The following YIPF7 variants were observed in gnomAD, a reference collection of about 807,000 sequenced individuals.
YIPF7 encodes the protein Yip1 domain family member 7.
In YIPF7, 35 loss-of-function variants were observed where a neutral mutation model predicts 27.2. The observed-to-expected ratio is 1.29, with a 90% CI of 0.98 to 1.70. YIPF7 has a LOEUF of 1.70. Ranked by LOEUF, YIPF7 falls within the 40% of genes most tolerant of loss-of-function variation. YIPF7 has a pLI of 0.00. For synonymous variants in YIPF7, 137 were observed against 110.4 expected (o/e 1.24, Z -1.51); for missense variants, 358 against 303.7 (o/e 1.18, Z -1.33).
chr4:44,659,135 T>C (rs1248436048), intron 2 of YIPF7, among the ~76,000 whole-genome samples: 1 of 152,190 alleles, frequency 6.6e-6, no homozygotes, highest in Non-Finnish European at 1.5e-5. Flanking sequence ...CATGAAGATG[T>C]TGAAAGCAAC....
intron 3 of YIPF7, 91 bp downstream of exon 3, chr4:44,635,829 CTG>C: frequency 7.2e-7 from 1 of 1,385,730 alleles, no homozygotes; most frequent in Non-Finnish European, 9.8e-7. Context: ...ACATAAGACA[CTG>C]TACACTGCAG....
upstream of YIPF7, among the ~76,000 whole-genome samples, chr4:44,656,384 C>T (rs73815511): frequency 0.077 from 11,768 of 151,906 alleles, 538 homozygotes; most frequent in Admixed American, 0.13. Context: ...TTATTCTTAC[C>T]TCTTAGGTGC....
chr4:44,654,193 T>A (rs1324540995), upstream of YIPF7, among the ~76,000 whole-genome samples: 1 of 152,090 alleles, frequency 6.6e-6, no homozygotes, highest in Non-Finnish European at 1.5e-5. Flanking sequence ...AAAATATACA[T>A]TTAAGTGGGT....
chr4:44,635,573 T>G lies in YIPF7; in HGVS notation c.280+349A>C, dbSNP rs538489102. Among the ~76,000 whole-genome samples the G allele has an allele frequency of 2.6e-5, 4 of 152,286 alleles. No homozygotes were observed. The East Asian group carries it at 5.8e-4, about 22-fold the overall frequency. ...ATAAAATACGCTGTTATGAAGTGCT[T>G]CATTAACAGGGTGGGAAGGGTGGTC... On this transcript the variant is annotated intron_variant, in intron 3 of 5. Coordinates refer to ENST00000415895, the MANE Select transcript of YIPF7 (RefSeq NM_182592.3).
chr4:44,641,318 T>C (rs1713317810), intron 2 of YIPF7, among the ~76,000 whole-genome samples: 1 of 152,162 alleles, frequency 6.6e-6, no homozygotes. Context: ...GGATAAAACA[T>C]GCTTGAAATG....
Position 44,622,404 on chromosome 4 carries a change from C to G in YIPF7, c.*10G>C. The stretch of plus-strand genomic sequence containing the variant: ...CAAACAGAGTCTTGAAATGCCATCT[C>G]AAACATTCTTTAGAAAATTGTTAGG... On this transcript the variant is annotated 3_prime_UTR_variant, in exon 6 of 6. Coordinates refer to ENST00000415895, the MANE Select transcript of YIPF7 (RefSeq NM_182592.3). 1 of 1,608,232 alleles carries G rather than the reference C, an allele frequency of 6.2e-7. No individual in the cohort carries two copies. Among genetic ancestry groups the G allele is most frequent in the Non-Finnish European group, 8.5e-7 (1 of 1,177,488 alleles).
chr4:44,650,018 G>T lies in YIPF7; in HGVS notation c.83C>A (p.Ser28Tyr). The change falls in exon 2 of 6, where the codon TCT becomes TAT. Residue 28 changes from serine to tyrosine, a missense_variant. Physicochemically the swap from Ser to Tyr is moderately radical, Grantham distance 144 (BLOSUM62 -2). Coordinates refer to ENST00000415895, the MANE Select transcript of YIPF7 (RefSeq NM_182592.3). Reference protein sequence around the residue: ...IDNQEQSGNDSNAYGNLYGSR... With the variant: ...IDNQEQSGNDYNAYGNLYGSR... ...TCCATAAAGATTTCCATAGGCATTA[G>T]AGTCATTACCACTCTGCTCCTGGTT... 1 of 1,583,506 alleles carries T rather than the reference G, an allele frequency of 6.3e-7. No individual in the cohort carries two copies. Among genetic ancestry groups the T allele is most frequent in the Non-Finnish European group, 8.6e-7 (1 of 1,162,318 alleles).
intron 5 of YIPF7, among the ~76,000 whole-genome samples, chr4:44,623,372 A>G (rs1008463234): frequency 1.3e-5 from 2 of 152,208 alleles, no homozygotes; most frequent in Non-Finnish European, 2.9e-5. Flanking sequence ...GCCCAGTTTT[A>G]AAGCATAAAG....
chr4:44,637,793 C>T (rs1260801330), intron 2 of YIPF7, among the ~76,000 whole-genome samples: 8 of 152,100 alleles, frequency 5.3e-5, no homozygotes, highest in Non-Finnish European at 1.2e-4. Flanking sequence ...TATTCTTATG[C>T]CCTTGCATTC....
At chr4:44,629,630 A>G in intron 3 of YIPF7, 82 bp from the exon 4 acceptor site, 1 of 1,024,174 alleles carries the variant, frequency 9.8e-7, no homozygotes, top group Admixed American at 3.4e-5. Context: ...AAAGGTTAAC[A>G]TATCTGATTA....
chr4:44,652,264 T>A (rs907066096), upstream of YIPF7, among the ~76,000 whole-genome samples: 4 of 152,168 alleles, frequency 2.6e-5, no homozygotes, highest in African/African-American at 9.7e-5. Flanking sequence ...CCCTTCTCTG[T>A]ATCACTGGGT....
chr4:44,662,143 T>A (rs772088576), intron 1 of YIPF7, among the ~76,000 whole-genome samples: 7 of 152,174 alleles, frequency 4.6e-5, no homozygotes, highest in Non-Finnish European at 8.8e-5. Context: ...CCCTAGTGGG[T>A]GCCTAAGAAA....
At chr4:44,657,531 C>T (rs1048966233) in intron 2 of YIPF7, among the ~76,000 whole-genome samples, 1 of 152,156 alleles carries the variant, frequency 6.6e-6, no homozygotes, top group African/African-American at 2.4e-5. Context: ...AAAGGATAAA[C>T]ATGCCACAAT....
chr4:44,634,350 T>C (rs1713030972), intron 3 of YIPF7, among the ~76,000 whole-genome samples: 1 of 152,064 alleles, frequency 6.6e-6, no homozygotes, highest in African/African-American at 2.4e-5. Context: ...CTTGACAACA[T>C]GGCAAAGCCC....
Position 44,622,158 on chromosome 4 carries a change from G to T in YIPF7, c.*256C>A. The T allele has an allele frequency of 2.7e-6, 1 of 375,760 alleles. No individual in the cohort carries two copies. Among genetic ancestry groups the T allele is most frequent in the Non-Finnish European group, 4.8e-6 (1 of 209,756 alleles). The allele number at this position is 375,760 out of a possible 1,614,324, so 23.3% of individuals were successfully genotyped here. ...AAATACCTCTATTGAGAAAAGCAGGGTTGATCAGTACAGCAACTGTATCCC... is the reference window on the plus strand; with the variant it reads ...AAATACCTCTATTGAGAAAAGCAGGTTTGATCAGTACAGCAACTGTATCCC... On this transcript the variant is annotated 3_prime_UTR_variant, in exon 6 of 6. Coordinates refer to ENST00000415895, the MANE Select transcript of YIPF7 (RefSeq NM_182592.3).
At chr4:44,643,314 T>A (rs1713402530) in intron 2 of YIPF7, among the ~76,000 whole-genome samples, 1 of 152,182 alleles carries the variant, frequency 6.6e-6, no homozygotes, top group Non-Finnish European at 1.5e-5. Flanking sequence ...GGGCATCTAC[T>A]GGAAGAAATT....
At chr4:44,625,076 A>G (rs1285806362) in intron 4 of YIPF7, among the ~76,000 whole-genome samples, 2 of 152,236 alleles carry the variant, frequency 1.3e-5, no homozygotes, top group Non-Finnish European at 2.9e-5. Context: ...AGTACAAGGC[A>G]TAAGTAAGAC....
intron 3 of YIPF7, among the ~76,000 whole-genome samples, chr4:44,635,557 G>A (rs1053342876): frequency 6.6e-5 from 10 of 152,108 alleles, no homozygotes; most frequent in Admixed American, 2.0e-4. Flanking sequence ...AATAAAATAC[G>A]CTGTTATGAA....
intron 4 of YIPF7, among the ~76,000 whole-genome samples, chr4:44,626,005 C>T (rs183690460): frequency 6.6e-6 from 1 of 152,252 alleles, no homozygotes; most frequent in Admixed American, 6.5e-5. Flanking sequence ...ATGCTATTAT[C>T]TATGAAGTAT....
Sources: gnomAD v4.1 joint callset for allele counts (sites outside exome capture counted in the v4.1 genomes callset) on GRCh38, gnomAD v4.1.1 for gene constraint, MANE v1.5 for transcripts, NCBI Gene and HGNC (gene_info 2026-07-23, HGNC 2026-07-21) for gene names.